COL20A1: variants seen among roughly 807,000 people sequenced by gnomAD.
COL20A1 encodes the protein collagen alpha-1(XX) chain.
COL20A1 carries 164 observed loss-of-function variants against 152.9 expected under a neutral mutation model. The observed-to-expected ratio is 1.07, with a 90% CI of 0.94 to 1.22. COL20A1 has a LOEUF of 1.22. Ranked by LOEUF, COL20A1 falls within the 50% of genes most tolerant of loss-of-function variation. The probability of loss-of-function intolerance (pLI) is 0.00; values close to 1 mark genes in which losing one functional copy is unlikely to be tolerated. For missense variants in COL20A1, 1,873 were observed against 1,744.8 expected, an observed-to-expected ratio of 1.07 and a Z score of -1.31; for synonymous variants, 864 against 756.0, an observed-to-expected ratio of 1.14 and a Z score of -2.34.
Position 63,322,109 on chromosome 20 carries a change from AG to A in COL20A1, c.3294+1del. 1 of 1,498,936 alleles carries A rather than the reference AG, an allele frequency of 6.7e-7. No individual in the cohort carries two copies. The highest frequency in any genetic ancestry group is 8.9e-7 in the Non-Finnish European group (1 of 1,128,396). The allele number at this position is 1,498,936 out of a possible 1,614,324, so 92.9% of individuals were successfully genotyped here. A position where few individuals can be genotyped will look rare whatever the true frequency, so the allele number is the denominator to read the frequency against. ...TPGEQGFPGP[R>X]GPPGVKGEKG... Reference sequence around the variant, plus strand: ...AGGAGAGCAGGGCTTCCCAGGGCCCAGGGTAAGTTTTGGGGAGCCCTGGGAG... The same window carrying A: ...AGGAGAGCAGGGCTTCCCAGGGCCCAGGTAAGTTTTGGGGAGCCCTGGGAG... On this transcript the variant is annotated frameshift_variant and splice_region_variant, in exon 27 of 36. Transcript: ENST00000358894. LOFTEE classifies it high-confidence loss of function.
chr20:63,328,549 G>C, intron 34 of COL20A1, 51 bp downstream of exon 34: 3 of 1,532,738 alleles, frequency 2.0e-6, no homozygotes, highest in Admixed American at 1.8e-5. Context: ...TGGGGGCGCC[G>C]GTTGTCCCCT....
intron 21 of COL20A1, among the ~76,000 whole-genome samples, chr20:63,318,458 C>T (rs1308850360): frequency 6.6e-6 from 1 of 152,210 alleles, no homozygotes; most frequent in East Asian, 1.9e-4. Flanking sequence ...CTTCCTGGAA[C>T]ATTAGGGGAC....
At chr20:63,295,702 A>G (rs2067783478) in intron 2 of COL20A1, among the ~76,000 whole-genome samples, 1 of 152,250 alleles carries the variant, frequency 6.6e-6, no homozygotes, top group Non-Finnish European at 1.5e-5. Flanking sequence ...TGGGTAACGT[A>G]GGGCACCGCC....
At chr20:63,326,861 TG>T in intron 31 of COL20A1, 38 bp downstream of exon 31, 3 of 1,430,572 alleles carry the variant, frequency 2.1e-6, no homozygotes, top group East Asian at 2.9e-5. Context: ...CAACCAAAGG[TG>T]GGGGAGCGAA....
chr20:63,316,689 C>A lies in COL20A1; in HGVS notation c.2661C>A (p.Val887=). 2 of 1,558,110 alleles carry A rather than the reference C, an allele frequency of 1.3e-6. No homozygotes were observed. Among genetic ancestry groups the A allele is most frequent in the South Asian group, 1.2e-5 (1 of 84,352 alleles). Residue 887 remains valine (V), a splice_region_variant and synonymous_variant, in exon 21 of 36, where the codon GTC becomes GTA. Transcript: ENST00000358894. ...AGGACGCCCAGCTGACAAGACGGGT[C>A]AGGTGTGAGGGCAAGGGCTGGGGTG... ...LFKDAQLTRR[V]SDVYPAPLPP...
chr20:63,329,735 C>G (rs1009759688), intron 35 of COL20A1, 74 bp downstream of exon 35: 1 of 1,050,420 alleles, frequency 9.5e-7, no homozygotes, highest in East Asian at 2.6e-5. Flanking sequence ...GAGGGGCCAA[C>G]GGGTGGGGCC....
rs375633171 is a variant in COL20A1, at chr20:63,305,837, G to C, written c.338-44G>C. On this transcript the variant is annotated intron_variant, in intron 4 of 35. Transcript: ENST00000358894. This position sits in a 1 kb window ranked among gnomAD's most constrained non-coding sequence, Gnocchi z 4.9. The stretch of plus-strand genomic sequence containing the variant: ...TATGTGCAGCTGCCCCAGTGGACCA[G>C]GCCCTCCACTCCCACCCTGATGGCT... The C allele has an allele frequency of 1.0e-5, 16 of 1,588,102 alleles. No homozygotes were observed. The South Asian group carries it at 1.3e-4, about 13-fold the overall frequency.
At chr20:63,312,279 T>A in intron 14 of COL20A1, 141 bp from the exon 15 acceptor site, 1 of 1,145,796 alleles carries the variant, frequency 8.7e-7, no homozygotes, top group Non-Finnish European at 1.2e-6. Flanking sequence ...TGCCCTCCCA[T>A]CCCTCAGGAC....
chr20:63,305,374 CGT>C lies in COL20A1; in HGVS notation c.194-39_194-38del. 1 of 1,414,012 alleles carries C rather than the reference CGT, an allele frequency of 7.1e-7. No individual in the cohort carries two copies. The highest frequency in any genetic ancestry group is 1.6e-5 in the South Asian group (1 of 62,866). The allele number at this position is 1,414,012 out of a possible 1,614,324, so 87.6% of individuals were successfully genotyped here. A position where few individuals can be genotyped will look rare whatever the true frequency, so the allele number is the denominator to read the frequency against. ...CTCCCCGCCGTGACAGATGCACACA[CGT>C]GTGCACCTTGGCCTCTAAAGCTCTC... is the stretch of plus-strand genomic sequence containing the variant. On this transcript the variant is annotated intron_variant, in intron 3 of 35. Transcript: ENST00000358894. The surrounding 1 kb of genome is among the most constrained non-coding windows in gnomAD (Gnocchi z 4.9).
chr20:63,307,435 G>A (rs1026286546), intron 5 of COL20A1, 55 bp from the exon 6 acceptor site: 52 of 1,542,742 alleles, frequency 3.4e-5, no homozygotes, highest in Admixed American at 7.0e-5. Context: ...TGATCTGGGG[G>A]CCTTGGACCA....
intron 27 of COL20A1, 116 bp from the exon 28 acceptor site, chr20:63,325,325 C>A: frequency 1.2e-6 from 1 of 815,726 alleles, no homozygotes; most frequent in Non-Finnish European, 2.1e-6. Flanking sequence ...GCCAGCAGGG[C>A]TCGCCGGGGA....
Position 63,308,625 on chromosome 20 carries a change from G to T in COL20A1, c.859G>T (p.Val287Leu). ...RPEAAKVVIL[V>L]TDGKSQDDVH... ...AGAGGCAGCCAAGGTGGTGATTCTG[G>T]TGACGGACGGCAAGTCCCAGGACGA... Residue 287 changes from valine (V) to leucine (L), a missense_variant, in exon 8 of 36, where the codon GTG (valine) becomes TTG (leucine). By Grantham distance (32) the Val-to-Leu change is conservative. Coordinates refer to ENST00000358894, the MANE Select transcript of COL20A1 (RefSeq NM_020882.4). 1 of 1,606,744 alleles carries T rather than the reference G, an allele frequency of 6.2e-7. No homozygotes were observed. Among genetic ancestry groups the T allele is most frequent in the South Asian group, 1.1e-5 (1 of 89,816 alleles).
intron 34 of COL20A1, 67 bp from the exon 35 acceptor site, chr20:63,329,518 C>T: frequency 2.4e-6 from 3 of 1,261,468 alleles, no homozygotes; most frequent in African/African-American, 1.5e-5. Context: ...CACCCTCTGT[C>T]CCCGTCAGAA....
rs1204741166 is a variant in COL20A1, at chr20:63,311,516, A to G, written c.1516A>G (p.Lys506Glu). Reference protein sequence around the residue: ...YLVRCSPASPKGEEEEREVQV... With the variant: ...YLVRCSPASPEGEEEEREVQV... Reference sequence around the variant, plus strand: ...GGTGCGATGTTCTCCTGCTTCCCCCAAGGGTGAAGAGGAGGAGCGAGAGGT... The same window carrying G: ...GGTGCGATGTTCTCCTGCTTCCCCCGAGGGTGAAGAGGAGGAGCGAGAGGT... Residue 506 changes from lysine to glutamate, a missense_variant, in exon 12 of 36, where the codon AAG (lysine) becomes GAG (glutamate). By Grantham distance (56) the Lys-to-Glu change is moderately conservative (BLOSUM62 1). Transcript: ENST00000358894. This position sits in a 1 kb window ranked among gnomAD's most constrained non-coding sequence, Gnocchi z 4.4. 6.9e-6 allele frequency: 11 copies of G among 1,590,982 alleles called. No homozygotes were observed. The highest frequency in any genetic ancestry group is 8.6e-6 in the Non-Finnish European group (10 of 1,169,402).
chr20:63,327,918 C>T (rs775356717), intron 31 of COL20A1, 34 bp from the exon 32 acceptor site: 53 of 1,574,092 alleles, frequency 3.4e-5, no homozygotes, highest in Non-Finnish European at 4.3e-5. Context: ...CAGGCCATCT[C>T]TGCTGACTTC....
chr20:63,297,099 A>G (rs1002674161), intron 2 of COL20A1, among the ~76,000 whole-genome samples: 3 of 152,162 alleles, frequency 2.0e-5, no homozygotes, highest in South Asian at 2.1e-4. Flanking sequence ...ACCAACGTGC[A>G]CACACGTGCC....
In COL20A1 at chr20:63,305,684, G is replaced by A; in HGVS notation, c.337+124G>A. 1 of 1,230,072 alleles carries A rather than the reference G, an allele frequency of 8.1e-7. No individual in the cohort carries two copies. Among genetic ancestry groups the A allele is most frequent in the Non-Finnish European group, 1.1e-6 (1 of 892,810 alleles). The allele number at this position is 1,230,072 out of a possible 1,614,324, so 76.2% of individuals were successfully genotyped here. On this transcript the variant is annotated intron_variant, in intron 4 of 35. Transcript: ENST00000358894. This position sits in a 1 kb window ranked among gnomAD's most constrained non-coding sequence, Gnocchi z 4.9. The stretch of plus-strand genomic sequence containing the variant: ...CCCAGGGGTGGGTATGTGTGAAGCA[G>A]TTCTGGGCTGTGCTAGGGGCAGGTT...
chr20:63,309,751 C>CCAG lies in COL20A1; in HGVS notation c.1107_1109dup. On this transcript the variant is annotated splice_polypyrimidine_tract_variant and splice_region_variant and intron_variant, in intron 9 of 35. Transcript: ENST00000358894. ...CCACCTGCCCCCCACTCCCGCTACT[C>CCAG]CAGCAGCAGCGGCTCCAGCCCTGGA... 6.4e-7 allele frequency: 1 copy of CCAG among 1,561,538 alleles called. No individual in the cohort carries two copies. The highest frequency in any genetic ancestry group is 8.6e-7 in the Non-Finnish European group (1 of 1,156,416).
intron 30 of COL20A1, 107 bp from the exon 31 acceptor site, chr20:63,326,645 C>T (rs1047351088): frequency 2.3e-5 from 16 of 694,516 alleles, no homozygotes; most frequent in South Asian, 1.9e-4. Context: ...AGGCATCCAC[C>T]GCCCTTGTCA....
Sources: gnomAD v4.1 joint callset for allele counts (sites outside exome capture counted in the v4.1 genomes callset) on GRCh38, gnomAD v4.1.1 for gene constraint, Gnocchi (gnomAD v3.1) non-coding constraint, MANE v1.5 for transcripts, NCBI Gene and HGNC (gene_info 2026-07-23, HGNC 2026-07-21) for gene names.